The following CRACR2A variants were observed in gnomAD, a reference collection of about 807,000 sequenced individuals.
The protein encoded by CRACR2A is calcium release activated channel regulator 2A, also known as EF-hand calcium-binding domain-containing protein 4B.
A neutral mutation model predicts 90.5 loss-of-function variants in CRACR2A; 79 were observed. The observed-to-expected ratio is 0.87, with a 90% CI of 0.73 to 1.05. The LOEUF (loss-of-function observed/expected upper bound fraction) is 1.05, where lower values mean the gene tolerates loss of function less well. CRACR2A is among the 50% of genes least tolerant of loss of function. The pLI, the probability that CRACR2A is intolerant of heterozygous loss-of-function variation, is 0.00. For missense variants in CRACR2A, 823 were observed against 897.2 expected, an observed-to-expected ratio of 0.92 and a Z score of 1.06; for synonymous variants, 338 against 356.7, an observed-to-expected ratio of 0.95 and a Z score of 0.59.
chr12:3,631,920 G>A (rs1944382930), intron 15 of CRACR2A, among the ~76,000 whole-genome samples: 1 of 152,186 alleles, frequency 6.6e-6, no homozygotes, highest in Admixed American at 6.5e-5. Flanking sequence ...AGATGGTTGA[G>A]TCAGAGACCC....
At chr12:3,716,035 A>T (rs781586087) in intron 2 of CRACR2A, among the ~76,000 whole-genome samples, 2 of 147,758 alleles carry the variant, frequency 1.4e-5, no homozygotes, top group African/African-American at 5.0e-5. Context: ...CTGGTGGAGG[A>T]CTCTCTGGTG....
intron 1 of CRACR2A, among the ~76,000 whole-genome samples, chr12:3,745,697 C>A (rs1017230958): frequency 2.0e-5 from 3 of 151,364 alleles, no homozygotes; most frequent in Non-Finnish European, 4.4e-5. Flanking sequence ...TCGCTTGAAC[C>A]CAGGAGGTGT....
Position 3,638,262 on chromosome 12 carries a change from C to A in CRACR2A, c.1464G>T (p.Glu488Asp), listed in dbSNP as rs1565467899. ...CTTCTGAGCATTTGCTCAGGGGTTG[C>A]TCAAAGCCACCATCCAGGAGCTGGG... The part of the protein sequence containing the change: ...PLPQLLDGGF[E>D]QPLSKCSEEE... Residue 488 changes from glutamate (E) to aspartate (D), a missense_variant, in exon 14 of 20, where the codon GAG becomes GAT. Transcript: ENST00000440314. 1 of 1,551,680 alleles carries A rather than the reference C, an allele frequency of 6.4e-7. No homozygotes were observed. The highest frequency in any genetic ancestry group is 2.0e-5 in the Admixed American group (1 of 51,006).
At position 3,744,661 on chromosome 12, in the gene CRACR2A, T is replaced by C. The variant is rs754230951; in HGVS notation, c.-387+8354A>G. Among the ~76,000 whole-genome samples the C allele has an allele frequency of 4.6e-5, 7 of 152,308 alleles. No homozygotes were observed. In the East Asian group the frequency reaches 5.8e-4, roughly 13 times the overall value. On this transcript the variant is annotated intron_variant, in intron 1 of 19. Transcript: ENST00000440314. ...GGAGGGCAGTCTCACAGAAGTGCTT[T>C]TGATTGAAGCAGATAATTTTTTTTT...
At chr12:3,629,249 T>G (rs577616550) in intron 15 of CRACR2A, among the ~76,000 whole-genome samples, 4 of 151,544 alleles carry the variant, frequency 2.6e-5, no homozygotes, top group Non-Finnish European at 5.9e-5. Flanking sequence ...CAAGGTGAGC[T>G]GCAATCCCAG....
intron 7 of CRACR2A, among the ~76,000 whole-genome samples, chr12:3,660,880 ACACAC>A (rs1945020151): frequency 9.2e-6 from 1 of 108,970 alleles, no homozygotes; most frequent in African/African-American, 3.3e-5. Context: ...ACACACACAC[ACACAC>A]ACAATTTTGG....
intron 4 of CRACR2A, among the ~76,000 whole-genome samples, chr12:3,692,861 C>T (rs1417960756): frequency 1.3e-5 from 2 of 152,142 alleles, no homozygotes; most frequent in African/African-American, 2.4e-5. Context: ...TACGTGCACT[C>T]TCTCCATCAC....
At chr12:3,657,321 T>C (rs964937880) in intron 8 of CRACR2A, among the ~76,000 whole-genome samples, 8 of 152,250 alleles carry the variant, frequency 5.3e-5, no homozygotes, top group Middle Eastern at 3.2e-3. Flanking sequence ...GTAACTGCCA[T>C]ATAACTCACT....
intron 1 of CRACR2A, among the ~76,000 whole-genome samples, chr12:3,740,429 G>A (rs1033526456): frequency 2.0e-5 from 3 of 152,146 alleles, no homozygotes; most frequent in Non-Finnish European, 2.9e-5. Flanking sequence ...TAAGTTCTAC[G>A]TCCTGGGGTG....
At chr12:3,640,482 G>A (rs1415730337) in intron 13 of CRACR2A, 2 of 1,182,694 alleles carry the variant, frequency 1.7e-6, no homozygotes. Flanking sequence ...AGAATGTCTG[G>A]TACACAGTAG....
intron 17 of CRACR2A, 74 bp downstream of exon 17, chr12:3,627,362 C>A (rs1016060728): frequency 9.0e-7 from 1 of 1,117,048 alleles, no homozygotes; most frequent in Non-Finnish European, 1.3e-6. Context: ...CAGAGGCCCA[C>A]GTGGGAGATG....
At chr12:3,629,999 G>A (rs1944351177) in intron 15 of CRACR2A, among the ~76,000 whole-genome samples, 4 of 152,150 alleles carry the variant, frequency 2.6e-5, no homozygotes, top group Admixed American at 2.6e-4. Context: ...CCAGGAGTCA[G>A]GAGACCCGTG....
At chr12:3,680,153 C>G (rs574431444) in intron 5 of CRACR2A, 85 bp downstream of exon 5, 5 of 1,111,878 alleles carry the variant, frequency 4.5e-6, no homozygotes, top group Non-Finnish European at 6.7e-6. Context: ...ACCTGCCCCC[C>G]AGGTCTACAA....
chr12:3,647,131 C>A (rs143738351), intron 11 of CRACR2A, among the ~76,000 whole-genome samples: 3 of 152,102 alleles, frequency 2.0e-5, no homozygotes, highest in African/African-American at 7.2e-5. Context: ...CCCGTCACAC[C>A]CCAGCTGTTG....
At chr12:3,686,493 A>G (rs1591686755) in intron 4 of CRACR2A, among the ~76,000 whole-genome samples, 2 of 152,152 alleles carry the variant, frequency 1.3e-5, no homozygotes, top group East Asian at 3.8e-4. Context: ...GTTGGTAGAC[A>G]ATCCTTTTAC....
At chr12:3,623,249 T>C (rs1280893543) in intron 17 of CRACR2A, among the ~76,000 whole-genome samples, 2 of 152,186 alleles carry the variant, frequency 1.3e-5, no homozygotes, top group African/African-American at 4.8e-5. Context: ...TTCTTACTTA[T>C]AAAACAAGAG....
chr12:3,672,882 G>T, intron 7 of CRACR2A: 1 of 824,844 alleles, frequency 1.2e-6, no homozygotes, highest in Non-Finnish European at 1.5e-6. Context: ...GCCGTGACGG[G>T]AGAGAGCGGC....
chr12:3,628,924 G>C (rs1169274823), intron 15 of CRACR2A, among the ~76,000 whole-genome samples: 1 of 152,210 alleles, frequency 6.6e-6, no homozygotes. Flanking sequence ...GGAGACGTGG[G>C]AGGACCATCC....
chr12:3,644,778 T>C, intron 11 of CRACR2A, 138 bp from the exon 12 acceptor site: 1 of 765,244 alleles, frequency 1.3e-6, no homozygotes. Context: ...TCTCCTTCCA[T>C]AGGGATGTGA....
Sources: allele counts gnomAD v4.1 joint callset (sites outside exome capture counted in the v4.1 genomes callset), GRCh38; gene constraint gnomAD v4.1.1; transcripts MANE v1.5; gene names NCBI Gene and HGNC (gene_info 2026-07-23, HGNC 2026-07-21).